The following ERBB4 variants were observed in gnomAD, a reference collection of about 807,000 sequenced individuals.
ERBB4 encodes erb-b2 receptor tyrosine kinase 4.
In ERBB4, 42 loss-of-function variants were observed where a neutral mutation model predicts 158.0. That is an observed-to-expected ratio of 0.27 (90% CI 0.21 to 0.34). The LOEUF is 0.34. Among genes scored for constraint, ERBB4 ranks in the 10% least tolerant of loss-of-function variants. The pLI, the probability that ERBB4 is intolerant of heterozygous loss-of-function variation, is 1.00. For synonymous variants in ERBB4, 583 were observed against 558.7 expected (o/e 1.04, Z -0.61); for missense variants, 1,333 against 1,624.1 (o/e 0.82, Z 3.08).
chr2:212,407,914 A>T (rs2091393455), intron 1 of ERBB4, among the ~76,000 whole-genome samples: 2 of 152,032 alleles, frequency 1.3e-5, no homozygotes, highest in Admixed American at 6.6e-5. Flanking sequence ...TAGCTTAGTA[A>T]AAATTTGAAA....
intron 20 of ERBB4, among the ~76,000 whole-genome samples, chr2:211,467,529 G>T (rs2064724306): frequency 6.6e-6 from 1 of 152,096 alleles, no homozygotes; most frequent in Non-Finnish European, 1.5e-5. Flanking sequence ...CCATGCAGTG[G>T]ACCTTCTCCT....
At chr2:211,450,324 A>C (rs2064213976) in intron 20 of ERBB4, among the ~76,000 whole-genome samples, 1 of 152,094 alleles carries the variant, frequency 6.6e-6, no homozygotes, top group East Asian at 1.9e-4. Context: ...AGAGTGATAA[A>C]AGTCCTTGGG....
intron 9 of ERBB4, among the ~76,000 whole-genome samples, chr2:211,710,042 C>T (rs56350864): frequency 0.23 from 34,746 of 151,842 alleles, 5,192 homozygotes; most frequent in Non-Finnish European, 0.33. Context: ...CTTACTTTTT[C>T]GTATTTCTTT....
At chr2:212,179,672 G>A (rs2081793410) in intron 1 of ERBB4, among the ~76,000 whole-genome samples, 1 of 151,534 alleles carries the variant, frequency 6.6e-6, no homozygotes, top group South Asian at 2.1e-4. Context: ...GTTTACAAGT[G>A]CTAATATGAA....
intron 20 of ERBB4, among the ~76,000 whole-genome samples, chr2:211,436,928 G>T (rs779011478): frequency 6.6e-6 from 1 of 152,140 alleles, no homozygotes; most frequent in South Asian, 2.1e-4. Context: ...TAAAGGTCAC[G>T]AATAAAATAG....
chr2:212,027,825 T>C (rs1375800187), intron 2 of ERBB4, among the ~76,000 whole-genome samples: 1 of 151,378 alleles, frequency 6.6e-6, no homozygotes, highest in Non-Finnish European at 1.5e-5. Context: ...TTAGTCTTTA[T>C]TTTTTTTTCA....
chr2:211,702,918 T>C (rs1465134600), intron 11 of ERBB4, among the ~76,000 whole-genome samples: 3 of 152,176 alleles, frequency 2.0e-5, no homozygotes, highest in Non-Finnish European at 4.4e-5. Flanking sequence ...GTCCACATTT[T>C]TGTAATTATT....
At chr2:212,377,135 G>A (rs2090349709) in intron 1 of ERBB4, among the ~76,000 whole-genome samples, 2 of 150,668 alleles carry the variant, frequency 1.3e-5, no homozygotes. Context: ...ACGTGATACT[G>A]TAAAATCATA....
At chr2:212,335,042 GT>G (rs932335180) in intron 1 of ERBB4, among the ~76,000 whole-genome samples, 9 of 151,814 alleles carry the variant, frequency 5.9e-5, no homozygotes, top group African/African-American at 2.2e-4. Flanking sequence ...CTCCTTACCA[GT>G]TTTTACCATT....
intron 1 of ERBB4, among the ~76,000 whole-genome samples, chr2:212,341,833 G>A (rs774981207): frequency 8.5e-5 from 13 of 152,280 alleles, no homozygotes; most frequent in Non-Finnish European, 1.3e-4. Context: ...AATTGCAAGG[G>A]AACCAGTAGG....
rs569857343 is a variant in ERBB4 at position 212,037,004 on chromosome 2, G to T, written c.234+87748C>A. On this transcript the variant is annotated intron_variant, in intron 2 of 27. Transcript: ENST00000342788. ...GTTTGAGGGCTATTTCTAGGCAAAA[G>T]AAATAGGCGCTACAGTAGAGAAAAT... Among the ~76,000 whole-genome samples the T allele has an allele frequency of 7.2e-5, 11 of 152,266 alleles. No homozygotes were observed. The South Asian group carries it at 2.3e-3, about 32-fold the overall frequency.
chr2:212,182,575 T>C (rs1025256341), intron 1 of ERBB4, among the ~76,000 whole-genome samples: 3 of 151,830 alleles, frequency 2.0e-5, no homozygotes, highest in Non-Finnish European at 2.9e-5. Context: ...TTGTTTTTAT[T>C]TGCATTTTTT....
intron 1 of ERBB4, among the ~76,000 whole-genome samples, chr2:212,427,477 G>C (rs1161308169): frequency 1.3e-5 from 2 of 152,084 alleles, no homozygotes; most frequent in African/African-American, 4.8e-5. Context: ...GGTTCCCTGT[G>C]ATTTGCACAT....
At chr2:211,738,870 C>T (rs2074697647) in intron 5 of ERBB4, among the ~76,000 whole-genome samples, 1 of 151,946 alleles carries the variant, frequency 6.6e-6, no homozygotes, top group Non-Finnish European at 1.5e-5. Flanking sequence ...AACTCCTGAC[C>T]TCAAGTGATC....
intron 7 of ERBB4, among the ~76,000 whole-genome samples, chr2:211,716,913 A>T (rs1276089620): frequency 6.6e-6 from 1 of 152,196 alleles, no homozygotes; most frequent in East Asian, 1.9e-4. Flanking sequence ...ACCACATTTA[A>T]AGTAAACAAG....
At chr2:211,726,509 A>T (rs1407693319) in intron 5 of ERBB4, among the ~76,000 whole-genome samples, 2 of 152,306 alleles carry the variant, frequency 1.3e-5, no homozygotes, top group Non-Finnish European at 2.9e-5. Context: ...CCATATATCC[A>T]GTAGCTTGCT....
intron 1 of ERBB4, among the ~76,000 whole-genome samples, chr2:212,157,279 G>A (rs111418946): frequency 2.0e-5 from 3 of 151,932 alleles, no homozygotes; most frequent in Non-Finnish European, 2.9e-5. Context: ...GTCTCTTGTG[G>A]GATGTTATCC....
chr2:212,489,565 C>T (rs935151253), intron 1 of ERBB4, among the ~76,000 whole-genome samples: 2 of 151,708 alleles, frequency 1.3e-5, no homozygotes, highest in Non-Finnish European at 2.9e-5. Flanking sequence ...TCAGATTCAC[C>T]AATGTAAGAA....
Position 212,093,532 on chromosome 2 carries a change from G to C in ERBB4, c.234+31220C>G, listed in dbSNP as rs145268502. On this transcript the variant is annotated intron_variant, in intron 2 of 27. Transcript: ENST00000342788. ...AAAAAAGAATTACAATGATGAGGAG[G>C]ATAACAGCAAAAAAAATTACAAATG... Among the ~76,000 whole-genome samples, 5 of 152,140 alleles carry C rather than the reference G, an allele frequency of 3.3e-5. No individual in the cohort carries two copies. In the South Asian group the frequency reaches 8.3e-4, roughly 25 times the overall value.
Sources: allele counts gnomAD v4.1 joint callset (sites outside exome capture counted in the v4.1 genomes callset), GRCh38; gene constraint gnomAD v4.1.1; transcripts MANE v1.5; gene names NCBI Gene and HGNC (gene_info 2026-07-23, HGNC 2026-07-21).